Variants in SYNE1 observed in about 807,000 individuals in gnomAD.
The protein encoded by SYNE1 is nesprin-1.
A neutral mutation model predicts 1,111.0 loss-of-function variants in SYNE1; 616 were observed. That is an observed-to-expected ratio of 0.55 (90% CI 0.52 to 0.59). The LOEUF (loss-of-function observed/expected upper bound fraction) is 0.59, where lower values mean the gene tolerates loss of function less well. Ranked by LOEUF, SYNE1 falls within the 20% of genes least tolerant of loss-of-function variation. The probability of loss-of-function intolerance (pLI) is 0.00; values close to 1 mark genes in which losing one functional copy is unlikely to be tolerated. For missense variants in SYNE1, 10,006 were observed against 10,417.0 expected, an observed-to-expected ratio of 0.96 and a Z score of 1.72; for synonymous variants, 3,855 against 3,825.8, an observed-to-expected ratio of 1.01 and a Z score of -0.28.
chr6:152,444,144 A>G (rs1035235543), intron 30 of SYNE1, among the ~76,000 whole-genome samples: 2 of 152,150 alleles, frequency 1.3e-5, no homozygotes, highest in Non-Finnish European at 2.9e-5. Context: ...AGCTAAATCA[A>G]TTTTCTCTCC....
At chr6:152,461,090 C>T (rs910206433) in intron 21 of SYNE1, among the ~76,000 whole-genome samples, 4 of 152,050 alleles carry the variant, frequency 2.6e-5, no homozygotes, top group Non-Finnish European at 4.4e-5. Context: ...GGATTATAGG[C>T]GTGAGCCACT....
chr6:152,270,946 CAG>C (rs1437572365), intron 98 of SYNE1, among the ~76,000 whole-genome samples: 2 of 152,196 alleles, frequency 1.3e-5, no homozygotes, highest in Non-Finnish European at 2.9e-5. Context: ...TTTGCCATTT[CAG>C]AGAGAACAGA....
At chr6:152,132,596 G>A (rs1025014741) in intron 143 of SYNE1, among the ~76,000 whole-genome samples, 2 of 152,190 alleles carry the variant, frequency 1.3e-5, no homozygotes, top group African/African-American at 2.4e-5. Context: ...ATTCCAGTTG[G>A]AAACAAAAGA....
In SYNE1 at chr6:152,262,116, T is replaced by C; in HGVS notation, c.18888A>G (p.Arg6296=). The C allele has an allele frequency of 6.2e-7, 1 of 1,613,962 alleles. No homozygotes were observed. The highest frequency in any genetic ancestry group is 8.5e-7 in the Non-Finnish European group (1 of 1,179,930). The change falls in exon 101 of 146, where the codon AGA becomes AGG. Residue 6296 remains arginine, a synonymous_variant. Coordinates refer to ENST00000367255, the MANE Select transcript of SYNE1 (RefSeq NM_182961.4). The stretch of plus-strand genomic sequence containing the variant: ...CTTGATGTAGGCTTTCCCATTTCAT[T>C]CTCATCTGGTCTTCAGCGGATGATT... ...GEKSSAEDQM[R]MKWESLHQEF... is the part of the protein sequence containing the mutation.
chr6:152,541,816 G>C (rs1004365304), intron 3 of SYNE1, among the ~76,000 whole-genome samples: 1 of 151,496 alleles, frequency 6.6e-6, no homozygotes, highest in Admixed American at 6.6e-5. Flanking sequence ...CCTGGGAGGG[G>C]GTGTGGGTTG....
intron 3 of SYNE1, among the ~76,000 whole-genome samples, chr6:152,593,412 A>C (rs551041575): frequency 4.6e-4 from 70 of 152,226 alleles, no homozygotes; most frequent in Middle Eastern, 3.4e-3. Flanking sequence ...GTGAAACCCC[A>C]TCTCAACTAA....
At chr6:152,176,619 A>G (rs1461623999) in intron 129 of SYNE1, 59 bp from the exon 130 acceptor site, 1 of 1,517,554 alleles carries the variant, frequency 6.6e-7, no homozygotes, top group Non-Finnish European at 9.1e-7. Flanking sequence ...CATCCAGCCC[A>G]GCTCTACTAG....
chr6:152,450,379 C>T lies in SYNE1; in HGVS notation c.3395+246G>A, dbSNP rs773600528. 5.9e-5 allele frequency among the ~76,000 whole-genome samples: 9 copies of T among 152,176 alleles called. No individual in the cohort carries two copies. In the East Asian group the frequency reaches 9.7e-4, roughly 16 times the overall value. ...TTAGCAAAGTGAGAAAGGACTAATA[C>T]ATAAGGATATTGGGGAGAAAGGGAT... On this transcript the variant is annotated intron_variant, in intron 27 of 145. Coordinates refer to ENST00000367255, the MANE Select transcript of SYNE1 (RefSeq NM_182961.4).
At chr6:152,155,309 C>A (rs1221478240) in intron 132 of SYNE1, 5 of 442,938 alleles carry the variant, frequency 1.1e-5, no homozygotes, top group Non-Finnish European at 2.1e-5. Context: ...GCACATCACA[C>A]GAGCTGCCTT....
intron 4 of SYNE1, among the ~76,000 whole-genome samples, chr6:152,531,810 T>C (rs1410115300): frequency 6.6e-6 from 1 of 152,222 alleles, no homozygotes; most frequent in Non-Finnish European, 1.5e-5. Context: ...TTCATCCATG[T>C]TGTAGCAGGT....
chr6:152,453,385 C>G lies in SYNE1; in HGVS notation c.3027+201G>C. On this transcript the variant is annotated intron_variant, in intron 25 of 145. Coordinates refer to ENST00000367255, the MANE Select transcript of SYNE1 (RefSeq NM_182961.4). ...CTCGAGTAATAGGATAAAATTGATG[C>G]TGATAATAAATAGGAATAACACAAT... is the stretch of plus-strand genomic sequence containing the variant. The G allele has an allele frequency of 6.9e-6, 5 of 727,314 alleles. No homozygotes were observed. The South Asian group carries it at 7.3e-5, about 11-fold the overall frequency. 45.1% of individuals were successfully genotyped at this position (727,314 alleles called of 1,614,324 possible).
intron 128 of SYNE1, chr6:152,185,209 T>C (rs2069480913): frequency 6.6e-6 from 1 of 151,966 alleles, no homozygotes; most frequent in South Asian, 2.1e-4. Context: ...CAACAAAACA[T>C]TTGGGCTGTC....
chr6:152,197,661 T>A (rs1455540757), intron 127 of SYNE1, among the ~76,000 whole-genome samples: 4 of 152,152 alleles, frequency 2.6e-5, no homozygotes, highest in Non-Finnish European at 5.9e-5. Flanking sequence ...AAGAAAGCCT[T>A]TTTTTTCTGA....
Position 152,461,678 on chromosome 6 carries a change from G to T in SYNE1, c.2313C>A (p.His771Gln). Reference sequence around the variant, plus strand: ...CTTGGGGGCTTTCTTTGGTAATGAGGTGTGCTGTCTTTGTAATTATCTTGT... The same window carrying T: ...CTTGGGGGCTTTCTTTGGTAATGAGTTGTGCTGTCTTTGTAATTATCTTGT... The part of the protein sequence containing the change: ...AQYKIITKTA[H>Q]LITKESPQEE... The change falls in exon 21 of 146, where the codon CAC becomes CAA. Residue 771 changes from histidine (H) to glutamine (Q), a missense_variant. Around this residue, in one of 7 missense-constraint regions of SYNE1, gnomAD observed 1,971 missense variants for 2,084.1 expected, o/e 0.95. Coordinates refer to ENST00000367255, the MANE Select transcript of SYNE1 (RefSeq NM_182961.4). 1 of 1,613,914 alleles carries T rather than the reference G, an allele frequency of 6.2e-7. No homozygotes were observed.
chr6:152,233,854 T>G lies in SYNE1; in HGVS notation c.20639A>C (p.Glu6880Ala). 1 of 1,614,182 alleles carries G rather than the reference T, an allele frequency of 6.2e-7. No homozygotes were observed. The highest frequency in any genetic ancestry group is 1.7e-5 in the Admixed American group (1 of 60,014). Residue 6880 changes from glutamate (E) to alanine (A), a missense_variant, in exon 112 of 146, where the codon GAG becomes GCG. This residue lies in a region of SYNE1 where 2,182 missense variants were observed against 2,287.8 expected (regional missense o/e 0.95). Coordinates refer to ENST00000367255, the MANE Select transcript of SYNE1 (RefSeq NM_182961.4). ...CCACTGGCTATCAATGCGCGACAGC[T>G]CAGAGCGCAGCGTGGCTGTGTCCAC... The part of the protein sequence containing the change: ...KKVDTATLRS[E>A]LSRIDSQWTD...
Position 152,390,426 on chromosome 6 carries a change from C to T in SYNE1, c.8031G>A (p.Gly2677=). 3 of 1,613,962 alleles carry T rather than the reference C, an allele frequency of 1.9e-6. No individual in the cohort carries two copies. The highest frequency in any genetic ancestry group is 2.5e-6 in the Non-Finnish European group (3 of 1,179,998). The change falls in exon 53 of 146, where the codon GGG becomes GGA. Residue 2677 remains glycine, a synonymous_variant. Coordinates refer to ENST00000367255, the MANE Select transcript of SYNE1 (RefSeq NM_182961.4). The part of the protein sequence containing the change: ...IQDILLMKGE[G]EVKLNMAIGK... Reference sequence around the variant, plus strand: ...CAATGGCCATATTCAACTTAACTTCCCCTTCACCTTTCATCAGGAGAATAT... The same window carrying T: ...CAATGGCCATATTCAACTTAACTTCTCCTTCACCTTTCATCAGGAGAATAT...
intron 128 of SYNE1, among the ~76,000 whole-genome samples, chr6:152,181,808 G>C (rs2068162056): frequency 6.6e-6 from 1 of 152,046 alleles, no homozygotes; most frequent in Non-Finnish European, 1.5e-5. Context: ...TTTCTCCTAG[G>C]TGTTTATCTA....
In SYNE1 at chr6:152,508,021, C is replaced by T. The variant is rs568864654; in HGVS notation, c.581+2172G>A. ...TCTTCAATCTTATGAGTGTGATGAA[C>T]TTCCAAACTAGAGTCCCACGAAATA... On this transcript the variant is annotated intron_variant, in intron 8 of 145. Transcript: ENST00000367255. Among the ~76,000 whole-genome samples the T allele has an allele frequency of 4.6e-5, 7 of 152,248 alleles. 1 individual carries two copies. In the South Asian group the frequency reaches 1.5e-3, roughly 32 times the overall value.
intron 11 of SYNE1, among the ~76,000 whole-genome samples, chr6:152,495,413 T>C (rs2098993864): frequency 6.6e-6 from 1 of 152,356 alleles, no homozygotes; most frequent in Non-Finnish European, 1.5e-5. Flanking sequence ...CAACTTCTAA[T>C]GGCTGCTGCC....
Sources: allele counts gnomAD v4.1 joint callset (sites outside exome capture counted in the v4.1 genomes callset), GRCh38; gene constraint gnomAD v4.1.1; regional missense constraint gnomAD v4.1.1; transcripts MANE v1.5; gene names NCBI Gene and HGNC (gene_info 2026-07-23, HGNC 2026-07-21).